Variants in RBFOX3 observed in about 807,000 individuals in gnomAD.
RBFOX3 encodes the protein RNA binding fox-1 homolog 3.
In RBFOX3, 17 loss-of-function variants were observed where a neutral mutation model predicts 48.7. The observed-to-expected ratio is 0.35, with a 90% CI of 0.24 to 0.52. The LOEUF (loss-of-function observed/expected upper bound fraction) is 0.52, where lower values mean the gene tolerates loss of function less well. Ranked by LOEUF, RBFOX3 falls within the 20% of genes least tolerant of loss-of-function variation. The pLI is 0.94. For synonymous variants in RBFOX3, 212 were observed against 209.5 expected (o/e 1.01, Z -0.10); for missense variants, 382 against 497.5 (o/e 0.77, Z 2.21).
chr17:79,150,983 G>C (rs1197586754), intron 4 of RBFOX3, among the ~76,000 whole-genome samples: 2 of 152,180 alleles, frequency 1.3e-5, no homozygotes, highest in African/African-American at 4.8e-5. Context: ...GCTGGTGGCC[G>C]CCCCGCTGCT....
intron 4 of RBFOX3, among the ~76,000 whole-genome samples, chr17:79,207,237 G>A (rs1453712849): frequency 6.6e-6 from 1 of 152,218 alleles, no homozygotes; most frequent in Non-Finnish European, 1.5e-5. Context: ...GGTCTAATGA[G>A]CTTATTGGGC....
intron 2 of RBFOX3, among the ~76,000 whole-genome samples, chr17:79,459,343 G>A (rs2075059296): frequency 6.6e-6 from 1 of 152,210 alleles, no homozygotes; most frequent in Non-Finnish European, 1.5e-5. Context: ...AGGGGCGGAT[G>A]TGCAGAGCGT....
At chr17:79,116,093 G>A (rs1266655933) in intron 4 of RBFOX3, among the ~76,000 whole-genome samples, 1 of 152,220 alleles carries the variant, frequency 6.6e-6, no homozygotes, top group Admixed American at 6.5e-5. Flanking sequence ...TCGTGCAGCT[G>A]TAAGAAGTAA....
At chr17:79,532,629 C>T (rs1188537220) in intron 1 of RBFOX3, among the ~76,000 whole-genome samples, 7 of 152,240 alleles carry the variant, frequency 4.6e-5, no homozygotes, top group Non-Finnish European at 8.8e-5. Context: ...ACACAGAGCT[C>T]GCTCTCCAGG....
At chr17:79,186,533 T>C (rs1346702180) in intron 4 of RBFOX3, among the ~76,000 whole-genome samples, 1 of 152,074 alleles carries the variant, frequency 6.6e-6, no homozygotes, top group African/African-American at 2.4e-5. Context: ...CCCGAGCCCC[T>C]GGTGCCTTGT....
At chr17:79,175,648 G>A (rs575082543) in intron 4 of RBFOX3, among the ~76,000 whole-genome samples, 45 of 152,328 alleles carry the variant, frequency 3.0e-4, no homozygotes, top group African/African-American at 9.4e-4. Flanking sequence ...CTCCCTGGAC[G>A]AGCTCCCCAG....
At chr17:79,222,626 GGAC>G (rs896449038) in intron 4 of RBFOX3, among the ~76,000 whole-genome samples, 2 of 152,206 alleles carry the variant, frequency 1.3e-5, no homozygotes, top group Non-Finnish European at 2.9e-5. Context: ...AAAGCTCACA[GGAC>G]GACAATGCCC....
chr17:79,499,382 TATTC>T (rs1364383366), intron 1 of RBFOX3, among the ~76,000 whole-genome samples: 7 of 149,384 alleles, frequency 4.7e-5, no homozygotes, highest in Non-Finnish European at 1.0e-4. Flanking sequence ...ATCCATCCAC[TATTC>T]ATTCATTCAC....
intron 1 of RBFOX3, among the ~76,000 whole-genome samples, chr17:79,571,318 C>G: frequency 6.6e-6 from 1 of 152,222 alleles, no homozygotes; most frequent in South Asian, 2.1e-4. Flanking sequence ...CCTTGCTGTA[C>G]AGCTGACCCC....
intron 2 of RBFOX3, among the ~76,000 whole-genome samples, chr17:79,420,160 C>T (rs186531337): frequency 1.3e-5 from 2 of 150,918 alleles, no homozygotes; most frequent in African/African-American, 4.9e-5. Flanking sequence ...CACACACACA[C>T]ACACACACAC....
the RBFOX3 span, among the ~76,000 whole-genome samples, chr17:79,632,477 T>C: frequency 6.6e-6 from 1 of 152,084 alleles, no homozygotes; most frequent in African/African-American, 2.4e-5. Flanking sequence ...GGACCCCATG[T>C]CTGGGGTCTC....
At chr17:79,221,125 G>A (rs145894879) in intron 4 of RBFOX3, among the ~76,000 whole-genome samples, 1 of 152,214 alleles carries the variant, frequency 6.6e-6, no homozygotes, top group Admixed American at 6.5e-5. Context: ...GATGCCGGCT[G>A]AGCGCTGTTG....
At chr17:79,161,497 CTCGGGGGTGTGTGGA>C (rs1385468563) in intron 4 of RBFOX3, among the ~76,000 whole-genome samples, 5 of 152,234 alleles carry the variant, frequency 3.3e-5, no homozygotes, top group Non-Finnish European at 1.5e-5. Context: ...ACTTAACCCC[CTCGGGGGTGTGTGGA>C]GGCCCGGAAG....
intron 2 of RBFOX3, among the ~76,000 whole-genome samples, chr17:79,359,196 C>T (rs1322043299): frequency 6.6e-6 from 1 of 152,236 alleles, no homozygotes; most frequent in African/African-American, 2.4e-5. Flanking sequence ...AGGCTCAGGG[C>T]AAGAGCTGAG....
intron 2 of RBFOX3, among the ~76,000 whole-genome samples, chr17:79,328,201 A>G (rs543235347): frequency 6.6e-6 from 1 of 152,284 alleles, no homozygotes; most frequent in East Asian, 1.9e-4. Flanking sequence ...CGGAGATGGG[A>G]TAGATCCAGG....
chr17:79,451,611 A>T (rs2073525754), intron 2 of RBFOX3, among the ~76,000 whole-genome samples: 1 of 152,204 alleles, frequency 6.6e-6, no homozygotes, highest in Non-Finnish European at 1.5e-5. Context: ...CCATCACAGT[A>T]AGTTACCCTC....
intron 2 of RBFOX3, among the ~76,000 whole-genome samples, chr17:79,435,687 T>C (rs2069292678): frequency 6.6e-6 from 1 of 152,226 alleles, no homozygotes; most frequent in South Asian, 2.1e-4. Context: ...CTGTGCCCCA[T>C]TCCCCTTTGC....
In RBFOX3 at chr17:79,096,673, A is replaced by G. The variant is rs1368666296; in HGVS notation, c.916T>C (p.Phe306Leu). 1.3e-6 allele frequency: 2 copies of G among 1,551,084 alleles called. No homozygotes were observed. Among genetic ancestry groups the G allele is most frequent in the East Asian group, 2.4e-5 (1 of 40,858 alleles). The change falls in exon 12 of 15, where the codon TTT (phenylalanine) becomes CTT (leucine). Residue 306 changes from phenylalanine (F) to leucine (L), a missense_variant. By Grantham distance (22) the Phe-to-Leu change is conservative (BLOSUM62 0). Coordinates refer to ENST00000693108, the MANE Select transcript of RBFOX3 (RefSeq NM_001350451.2). ...FASRVVYQDG[F>L]YGAEIYGGYA... ...CTTACATAAATCTCAGCACCATAAAATCCATCCTGATACACGACCCTGGAA... is the reference window on the plus strand; with the variant it reads ...CTTACATAAATCTCAGCACCATAAAGTCCATCCTGATACACGACCCTGGAA...
chr17:79,237,825 A>C (rs2061817271), intron 3 of RBFOX3, among the ~76,000 whole-genome samples: 1 of 152,206 alleles, frequency 6.6e-6, no homozygotes, highest in South Asian at 2.1e-4. Flanking sequence ...AGCTCACAAA[A>C]TGACGCTGAG....
Sources: gnomAD v4.1 joint callset for allele counts (sites outside exome capture counted in the v4.1 genomes callset) on GRCh38, gnomAD v4.1.1 for gene constraint, MANE v1.5 for transcripts, NCBI Gene and HGNC (gene_info 2026-07-23, HGNC 2026-07-21) for gene names.